Variants in RGS10 observed in about 807,000 individuals in gnomAD.
RGS10 encodes the protein regulator of G protein signaling 10.
A neutral mutation model predicts 23.5 loss-of-function variants in RGS10; 11 were observed. The ratio of observed to expected loss-of-function variants is 0.47; its 90% CI spans 0.29 to 0.77. RGS10 has a LOEUF of 0.77. Ranked by LOEUF, RGS10 falls within the 30% of genes least tolerant of loss-of-function variation. RGS10 has a pLI of 0.08. For missense variants in RGS10, 180 were observed against 226.3 expected (o/e 0.80, Z 1.31); for synonymous variants, 77 against 83.2 (o/e 0.92, Z 0.41).
intron 1 of RGS10, among the ~76,000 whole-genome samples, chr10:119,533,429 A>C (rs1297359888): frequency 6.6e-6 from 1 of 152,252 alleles, no homozygotes; most frequent in African/African-American, 2.4e-5. Flanking sequence ...ACATATATAC[A>C]TACATAAATA....
At chr10:119,505,945 G>A (rs1454050418) in intron 4 of RGS10, among the ~76,000 whole-genome samples, 4 of 152,134 alleles carry the variant, frequency 2.6e-5, no homozygotes, top group South Asian at 2.1e-4. Context: ...TTTAATTAGC[G>A]GGATATCATA....
chr10:119,536,799 C>T (rs1008042892), intron 1 of RGS10, among the ~76,000 whole-genome samples: 12 of 152,262 alleles, frequency 7.9e-5, no homozygotes, highest in Middle Eastern at 3.4e-3. Flanking sequence ...TTCTCCACTT[C>T]CAGAAGCCCC....
At chr10:119,523,007 ATTT>A (rs10707569) in intron 3 of RGS10, among the ~76,000 whole-genome samples, 2 of 142,440 alleles carry the variant, frequency 1.4e-5, no homozygotes, top group Non-Finnish European at 1.5e-5. Context: ...TGTCTAGCTA[ATTT>A]TTTTTTTTTT....
intron 4 of RGS10, among the ~76,000 whole-genome samples, chr10:119,512,186 C>G (rs1296381037): frequency 1.3e-5 from 2 of 152,200 alleles, no homozygotes; most frequent in Non-Finnish European, 2.9e-5. Flanking sequence ...AAAGCGGCTG[C>G]TCTGCGGCTC....
At chr10:119,522,269 T>C (rs1844226671) in intron 3 of RGS10, among the ~76,000 whole-genome samples, 1 of 152,090 alleles carries the variant, frequency 6.6e-6, no homozygotes, top group African/African-American at 2.4e-5. Flanking sequence ...CCAACACAGG[T>C]CCTATTAAAA....
chr10:119,514,679 C>T (rs973280643), intron 4 of RGS10, among the ~76,000 whole-genome samples: 1 of 140,986 alleles, frequency 7.1e-6, no homozygotes. Flanking sequence ...AAAAAAAGAA[C>T]AAAAACACAG....
chr10:119,530,623 G>C lies in RGS10; in HGVS notation c.50-3199C>G, dbSNP rs541055112. The stretch of plus-strand genomic sequence containing the variant: ...GCAGATCACTCAAGCTCAGGTGTTC[G>C]AGACCAGCCTGGGCAACATAGTGAA... On this transcript the variant is annotated intron_variant, in intron 1 of 4. Coordinates refer to ENST00000369103, the MANE Select transcript of RGS10 (RefSeq NM_001005339.2). Among the ~76,000 whole-genome samples, 4 of 152,304 alleles carry C rather than the reference G, an allele frequency of 2.6e-5. No homozygotes were observed. In the South Asian group the frequency reaches 8.3e-4, roughly 32 times the overall value.
chr10:119,531,286 C>T (rs1191943272), intron 1 of RGS10, among the ~76,000 whole-genome samples: 1 of 152,190 alleles, frequency 6.6e-6, no homozygotes, highest in Non-Finnish European at 1.5e-5. Context: ...ACAATCTAGG[C>T]AGCTGCAAAT....
At chr10:119,503,547 G>A (rs546250288) in intron 4 of RGS10, among the ~76,000 whole-genome samples, 13 of 152,252 alleles carry the variant, frequency 8.5e-5, no homozygotes, top group South Asian at 6.2e-4. Context: ...GTACCAACGC[G>A]GCTGCAGTGC....
At chr10:119,542,146 G>A (rs1257134426) in intron 1 of RGS10, among the ~76,000 whole-genome samples, 6 of 152,262 alleles carry the variant, frequency 3.9e-5, no homozygotes, top group Middle Eastern at 3.4e-3. Flanking sequence ...CCAGGCCCAG[G>A]GGCCCAGTCG....
chr10:119,529,508 A>G (rs980123586), intron 1 of RGS10, among the ~76,000 whole-genome samples: 2 of 152,192 alleles, frequency 1.3e-5, no homozygotes, highest in African/African-American at 2.4e-5. Flanking sequence ...ATTCAAAACT[A>G]TAGGATCTTG....
chr10:119,516,800 G>A (rs1177611457), intron 3 of RGS10, among the ~76,000 whole-genome samples: 1 of 152,190 alleles, frequency 6.6e-6, no homozygotes, highest in Non-Finnish European at 1.5e-5. Flanking sequence ...TCAGGGCGGG[G>A]CTGCAGGCGC....
chr10:119,523,656 C>G (rs984367070), intron 3 of RGS10, among the ~76,000 whole-genome samples: 5 of 152,154 alleles, frequency 3.3e-5, no homozygotes, highest in Admixed American at 6.5e-5. Context: ...CAGAGTCAGA[C>G]CTTGTCTCAA....
At chr10:119,518,865 C>T (rs963453147) in intron 3 of RGS10, among the ~76,000 whole-genome samples, 9 of 152,164 alleles carry the variant, frequency 5.9e-5, no homozygotes, top group South Asian at 2.1e-4. Context: ...CCACCACGCC[C>T]GGCTAATTTT....
intron 3 of RGS10, among the ~76,000 whole-genome samples, chr10:119,522,042 A>C (rs1413206751): frequency 3.3e-5 from 5 of 152,186 alleles, no homozygotes. Flanking sequence ...CTCAGGAGAG[A>C]AGAGGACTTG....
At chr10:119,515,359 C>T (rs1844129368) in intron 4 of RGS10, 150 bp downstream of exon 4, 1 of 897,220 alleles carries the variant, frequency 1.1e-6, no homozygotes, top group South Asian at 1.7e-5. Flanking sequence ...CCCCACTCTC[C>T]CCAACCATGG....
chr10:119,500,732 A>G (rs769295386), intron 4 of RGS10, among the ~76,000 whole-genome samples: 2 of 150,650 alleles, frequency 1.3e-5, no homozygotes, highest in South Asian at 2.1e-4. Context: ...CGAGATCTCA[A>G]ACAAACCTAT....
chr10:119,503,324 A>G (rs1720076088), intron 4 of RGS10, among the ~76,000 whole-genome samples: 1 of 150,062 alleles, frequency 6.7e-6, no homozygotes, highest in Non-Finnish European at 1.5e-5. Context: ...TGGGTGATAG[A>G]GCCAGACCCT....
rs1302336483 is a variant in RGS10 at position 119,538,723 on chromosome 10, G to A, written c.49+3867C>T. On this transcript the variant is annotated intron_variant, in intron 1 of 4. Transcript: ENST00000369103. This position sits in a 1 kb window ranked among gnomAD's most constrained non-coding sequence, Gnocchi z 4.5. ...GTCTGCAAGGGACTGTCTCACTCCAGCGGATGCCGCCTGACAGCTCTTATC... is the reference window on the plus strand; with the variant it reads ...GTCTGCAAGGGACTGTCTCACTCCAACGGATGCCGCCTGACAGCTCTTATC... 6.6e-6 allele frequency among the ~76,000 whole-genome samples: 1 copy of A among 152,172 alleles called. No individual in the cohort carries two copies. Among genetic ancestry groups the A allele is most frequent in the Non-Finnish European group, 1.5e-5 (1 of 68,026 alleles).
Sources: allele counts gnomAD v4.1 joint callset (sites outside exome capture counted in the v4.1 genomes callset), GRCh38; gene constraint gnomAD v4.1.1; non-coding constraint Gnocchi (gnomAD v3.1); transcripts MANE v1.5; gene names NCBI Gene and HGNC (gene_info 2026-07-23, HGNC 2026-07-21).